The following LY6S variants were observed in gnomAD, a reference collection of about 807,000 sequenced individuals.
The protein encoded by LY6S is lymphocyte antigen 6S.
chr8:143,064,755 G>A, the LY6S span, among the ~76,000 whole-genome samples: 1 of 152,210 alleles, frequency 6.6e-6, no homozygotes, highest in Non-Finnish European at 1.5e-5. Flanking sequence ...ATACAGGTTA[G>A]CTACAGTGGA....
the LY6S span, among the ~76,000 whole-genome samples, chr8:143,073,805 C>T: frequency 6.8e-6 from 1 of 147,496 alleles, no homozygotes. Context: ...AGCCGTCGTC[C>T]CCGGGGTCCC....
the LY6S span, chr8:143,066,550 T>C: frequency 6.3e-6 from 2 of 316,310 alleles, no homozygotes; most frequent in Admixed American, 3.0e-5. Context: ...GCTGTGGCCC[T>C]TTTTGGCATG....
the LY6S span, chr8:143,066,067 T>C: frequency 2.5e-6 from 1 of 399,982 alleles, no homozygotes; most frequent in South Asian, 2.1e-5. Flanking sequence ...ACATACAGCT[T>C]GGGAAGCACA....
At chr8:143,068,933 C>T in the LY6S span, among the ~76,000 whole-genome samples, 237 of 152,220 alleles carry the variant, frequency 1.6e-3, no homozygotes, top group Non-Finnish European at 2.8e-3. Context: ...AAATGCTCCC[C>T]GCACCGCCCC....
chr8:143,057,562 G>C, the LY6S span: 3 of 1,228,952 alleles, frequency 2.4e-6, no homozygotes, highest in African/African-American at 3.0e-5. Flanking sequence ...TTAGTCTCTT[G>C]ATAACCGTCT....
At chr8:143,043,739 G>C in the LY6S span, among the ~76,000 whole-genome samples, 1 of 152,040 alleles carries the variant, frequency 6.6e-6, no homozygotes, top group Non-Finnish European at 1.5e-5. Flanking sequence ...GCAATGGGGC[G>C]ATCTCTGCTC....
the LY6S span, among the ~76,000 whole-genome samples, chr8:143,069,652 T>C: frequency 6.6e-6 from 1 of 152,232 alleles, no homozygotes; most frequent in African/African-American, 2.4e-5. Flanking sequence ...CTGCATGCCT[T>C]CCATATCCAG....
chr8:143,040,952 G>A, the LY6S span, among the ~76,000 whole-genome samples: 1 of 152,166 alleles, frequency 6.6e-6, no homozygotes, highest in African/African-American at 2.4e-5. Context: ...AGGGGAGGGA[G>A]TGTACAAATA....
chr8:143,055,750 G>A, the LY6S span, among the ~76,000 whole-genome samples: 3 of 152,140 alleles, frequency 2.0e-5, no homozygotes, highest in African/African-American at 4.8e-5. Context: ...AGACGCCATC[G>A]GGCTTTTCCT....
At chr8:143,040,948 G>A in the LY6S span, among the ~76,000 whole-genome samples, 10 of 152,272 alleles carry the variant, frequency 6.6e-5, no homozygotes, top group East Asian at 1.9e-4. Flanking sequence ...CAGAAGGGGA[G>A]GGAGTGTACA....
the LY6S span, among the ~76,000 whole-genome samples, chr8:143,058,939 T>C: frequency 6.6e-6 from 1 of 152,270 alleles, no homozygotes; most frequent in East Asian, 1.9e-4. Context: ...TGGTTTTTCC[T>C]AGGCTATGAT....
At chr8:143,042,816 TG>T in the LY6S span, 1 of 375,974 alleles carries the variant, frequency 2.7e-6, no homozygotes, top group Non-Finnish European at 5.3e-6. Flanking sequence ...GGTTTCTCTA[TG>T]ACCCTAGGTC....
the LY6S span, among the ~76,000 whole-genome samples, chr8:143,070,476 A>ATATATATATTGTGT: frequency 1.3e-5 from 1 of 76,940 alleles, no homozygotes; most frequent in Non-Finnish European, 2.1e-5. Flanking sequence ...TATATATATA[A>ATATATATATTGTGT]ATATATATAT....
chr8:143,060,248 G>A, the LY6S span, among the ~76,000 whole-genome samples: 3 of 152,156 alleles, frequency 2.0e-5, no homozygotes, highest in African/African-American at 7.2e-5. Context: ...CTTTCCCTGA[G>A]GAAGTTAGAG....
chr8:143,046,716 A>G, the LY6S span, among the ~76,000 whole-genome samples: 1 of 151,580 alleles, frequency 6.6e-6, no homozygotes, highest in Non-Finnish European at 1.5e-5. Flanking sequence ...AGTTTAGAGT[A>G]AGGATGGGCC....
the LY6S span, among the ~76,000 whole-genome samples, chr8:143,043,668 C>CTT: frequency 1.4e-5 from 2 of 145,548 alleles, no homozygotes; most frequent in South Asian, 2.2e-4. Flanking sequence ...TCCAGGCTGG[C>CTT]TTTTTTTTTT....
At chr8:143,055,581 T>C in the LY6S span, among the ~76,000 whole-genome samples, 3 of 152,224 alleles carry the variant, frequency 2.0e-5, no homozygotes, top group Middle Eastern at 6.8e-3. Context: ...AAAATAAAAA[T>C]TTCCCCCCAA....
At chr8:143,070,433 T>TTATA in the LY6S span, among the ~76,000 whole-genome samples, 3 of 94,882 alleles carry the variant, frequency 3.2e-5, no homozygotes, top group Non-Finnish European at 5.4e-5. Context: ...TATATATATA[T>TTATA]TATATATATA....
the LY6S span, among the ~76,000 whole-genome samples, chr8:143,063,207 T>A: frequency 6.6e-6 from 1 of 152,168 alleles, no homozygotes; most frequent in Admixed American, 6.5e-5. Flanking sequence ...GCAAAGGGTC[T>A]CCCATATATA....
Sources: allele counts gnomAD v4.1 joint callset (sites outside exome capture counted in the v4.1 genomes callset), GRCh38; gene constraint gnomAD v4.1.1; transcripts MANE v1.5; gene names NCBI Gene and HGNC (gene_info 2026-07-23, HGNC 2026-07-21).